CYP2A7: variants seen among roughly 807,000 people sequenced by gnomAD.
CYP2A7 encodes the protein cytochrome P450 2A7.
CYP2A7 carries 36 observed loss-of-function variants against 42.0 expected under a neutral mutation model. That is an observed-to-expected ratio of 0.86 (90% CI 0.66 to 1.13). The LOEUF (loss-of-function observed/expected upper bound fraction) is 1.13. Among genes scored for constraint, CYP2A7 ranks in the 50% most tolerant of loss-of-function variants. The pLI is 0.00. For missense variants in CYP2A7, 661 were observed against 634.1 expected (o/e 1.04, Z -0.46); for synonymous variants, 260 against 249.5 (o/e 1.04, Z -0.40).
rs767369794 is a variant in CYP2A7 at position 40,880,163 on chromosome 19, T to C, written c.575A>G (p.Asp192Gly). The change falls in exon 4 of 9, where the codon GAC (aspartate) becomes GGC (glycine). Residue 192 changes from aspartate (D) to glycine (G), a missense_variant. Physicochemically the swap from Asp to Gly is moderately conservative, Grantham distance 94. Around this residue, in one of 3 missense-constraint regions of CYP2A7, gnomAD observed 614 missense variants for 552.4 expected, o/e 1.11. Coordinates refer to ENST00000301146, the MANE Select transcript of CYP2A7 (RefSeq NM_000764.3). ...ISSIVFGDRF[D>G]YEDKEFLSLL... ...TGACAGGAACTCTTTGTCCTCATAGTCAAAGCGGTCCCCAAAGACAATGGA... is the reference window on the plus strand; with the variant it reads ...TGACAGGAACTCTTTGTCCTCATAGCCAAAGCGGTCCCCAAAGACAATGGA... 6.2e-7 allele frequency: 1 copy of C among 1,612,896 alleles called. No homozygotes were observed. The highest frequency in any genetic ancestry group is 2.2e-5 in the East Asian group (1 of 44,852).
intron 2 of CYP2A7, among the ~76,000 whole-genome samples, chr19:40,881,377 G>T (rs965002961): frequency 6.6e-6 from 1 of 151,590 alleles, no homozygotes; most frequent in Non-Finnish European, 1.5e-5. Flanking sequence ...AGGAGGTGGG[G>T]CAGAGAGAGG....
Position 40,880,544 on chromosome 19 carries a change from C to T in CYP2A7, c.428G>A (p.Arg143Gln), listed in dbSNP as rs369815129. ...CTCCTGGATGCGCTCCTCGATGCCT[C>T]GCTTGCCCACCCCGAAGTCCCTCAG... Reference protein sequence around the residue: ...ATLRDFGVGKRGIEERIQEES... With the variant: ...ATLRDFGVGKQGIEERIQEES... The change falls in exon 3 of 9, where the codon CGA (arginine) becomes CAA (glutamine). Residue 143 changes from arginine (R) to glutamine (Q), a missense_variant. Coordinates refer to ENST00000301146, the MANE Select transcript of CYP2A7 (RefSeq NM_000764.3). The T allele has an allele frequency of 1.1e-5, 17 of 1,611,834 alleles. No individual in the cohort carries two copies. The highest frequency in any genetic ancestry group is 1.6e-4 in the Middle Eastern group (1 of 6,082).
intron 1 of CYP2A7, 76 bp downstream of exon 1, chr19:40,881,955 T>C: frequency 6.4e-6 from 10 of 1,562,022 alleles, no homozygotes; most frequent in Non-Finnish European, 6.1e-6. Context: ...TCCACACTGG[T>C]CAATCCCCTG....
Position 40,880,559 on chromosome 19 carries a change from A to G in CYP2A7, c.413T>C (p.Phe138Ser), listed in dbSNP as rs1278936940. ...CTCGATGCCTCGCTTGCCCACCCCG[A>G]AGTCCCTCAGGGTGGCGATGGCAAA... Reference protein sequence around the residue: ...LRFAIATLRDFGVGKRGIEER... With the variant: ...LRFAIATLRDSGVGKRGIEER... Residue 138 changes from phenylalanine (F) to serine (S), a missense_variant, in exon 3 of 9, where the codon TTC becomes TCC. Around this residue, in one of 3 missense-constraint regions of CYP2A7, gnomAD observed 614 missense variants for 552.4 expected, o/e 1.11. Coordinates refer to ENST00000301146, the MANE Select transcript of CYP2A7 (RefSeq NM_000764.3). 1.2e-6 allele frequency: 2 copies of G among 1,610,986 alleles called. No individual in the cohort carries two copies. The highest frequency in any genetic ancestry group is 2.7e-5 in the African/African-American group (2 of 74,512).
At position 40,880,388 on chromosome 19, in the gene CYP2A7, C is replaced by T; in HGVS notation, c.493+91G>A. ...CTGGAAGTGCGGGCGCCTTTCCCCA[C>T]CTAGTCCCCATCCGCAGGCAGAACG... On this transcript the variant is annotated intron_variant, in intron 3 of 8. Transcript: ENST00000301146. 3 of 1,563,516 alleles carry T rather than the reference C, an allele frequency of 1.9e-6. No homozygotes were observed. The South Asian group carries it at 3.6e-5, about 19-fold the overall frequency.
chr19:40,877,958 C>T lies in CYP2A7; in HGVS notation c.867G>A (p.Lys289=), dbSNP rs145170562. 48 of 1,612,522 alleles carry T rather than the reference C, an allele frequency of 3.0e-5. No individual in the cohort carries two copies. The East Asian group carries it at 1.0e-3, about 34-fold the overall frequency. ...GGTTCAACGTGCTCATCATCAGGTT[C>T]TTCAAGTAGAACTCCGTGTTGGGGT... is the stretch of plus-strand genomic sequence containing the variant. ...EKNPNTEFYL[K]NLMMSTLNLF... is the part of the protein sequence containing the mutation. The change falls in exon 6 of 9, where the codon AAG becomes AAA. Residue 289 remains lysine (K), a synonymous_variant. Transcript: ENST00000301146.
At position 40,878,787 on chromosome 19, in the gene CYP2A7, G is replaced by T. The variant is rs186817628; in HGVS notation, c.804C>A (p.Ile268=). The T allele has an allele frequency of 2.5e-6, 4 of 1,611,530 alleles. No homozygotes were observed. Among genetic ancestry groups the T allele is most frequent in the Non-Finnish European group, 3.4e-6 (4 of 1,178,328 alleles). ...CCTGCATGTGGATGAGAAAGGAGTC[G>T]ATGAAGTCCTGTGGGGAATTGGGAT... is the stretch of plus-strand genomic sequence containing the variant. ...TLDPNSPQDF[I]DSFLIHMQEE... The change falls in exon 5 of 9, where the codon ATC becomes ATA. Residue 268 remains isoleucine, a synonymous_variant. Transcript: ENST00000301146.
At chr19:40,878,151 G>C (rs1488260637) in intron 5 of CYP2A7, among the ~76,000 whole-genome samples, 158 bp from the exon 6 acceptor site, 1 of 151,472 alleles carries the variant, frequency 6.6e-6, no homozygotes, top group Non-Finnish European at 1.5e-5. Flanking sequence ...CCCTTGCCCT[G>C]GCTGCTGGCT....
rs1967715484 is a variant in CYP2A7 at position 40,882,222 on chromosome 19, G to A, written c.-12C>T. On this transcript the variant is annotated 5_prime_UTR_variant, in exon 1 of 9. Coordinates refer to ENST00000301146, the MANE Select transcript of CYP2A7 (RefSeq NM_000764.3). Reference sequence around the variant, plus strand: ...CCTGAGGCCAGCATGGTGGTAGTGAGATGACAGATGGTGATGGGTGGGGTG... The same window carrying A: ...CCTGAGGCCAGCATGGTGGTAGTGAAATGACAGATGGTGATGGGTGGGGTG... 6.2e-7 allele frequency: 1 copy of A among 1,612,310 alleles called. No homozygotes were observed. The highest frequency in any genetic ancestry group is 1.1e-5 in the South Asian group (1 of 90,944).
rs1375853167 is a variant in CYP2A7 at position 40,876,796 on chromosome 19, C to T, written c.1162-128G>A. ...TGGCAGGCATGGAGGAGTTGGGGTC[C>T]TGTGAAGGAGGAGCTTTGGGGAATA... On this transcript the variant is annotated intron_variant, in intron 7 of 8. Transcript: ENST00000301146. The T allele has an allele frequency of 7.7e-6, 10 of 1,305,716 alleles. 1 individual carries two copies. The highest frequency in any genetic ancestry group is 1.1e-5 in the Non-Finnish European group (10 of 948,196). 80.9% of individuals were successfully genotyped at this position (1,305,716 alleles called of 1,614,324 possible).
chr19:40,880,018 C>T (rs551112024), intron 4 of CYP2A7, 66 bp downstream of exon 4: 2 of 1,591,690 alleles, frequency 1.3e-6, no homozygotes, highest in East Asian at 4.5e-5. Context: ...GGGCACCTGT[C>T]TCCAGGTAGG....
chr19:40,880,501 G>C lies in CYP2A7; in HGVS notation c.471C>G (p.Ile157Met), dbSNP rs534396743. The C allele has an allele frequency of 6.2e-7, 1 of 1,612,456 alleles. No individual in the cohort carries two copies. The highest frequency in any genetic ancestry group is 2.2e-5 in the East Asian group (1 of 44,844). ...CACCGTGCGTGCTCCGGATGGCCTC[G>C]ATGAGGAAGCCCGACTCCTCCTGGA... Reference protein sequence around the residue: ...ERIQEESGFLIEAIRSTHGAN... With the variant: ...ERIQEESGFLMEAIRSTHGAN... The change falls in exon 3 of 9, where the codon ATC becomes ATG. Residue 157 changes from isoleucine (I) to methionine (M), a missense_variant. This residue lies in a region of CYP2A7 where 614 missense variants were observed against 552.4 expected (regional missense o/e 1.11). Transcript: ENST00000301146.
intron 8 of CYP2A7, 47 bp downstream of exon 8, chr19:40,876,480 G>A (rs774910012): frequency 1.7e-5 from 28 of 1,611,540 alleles, no homozygotes; most frequent in South Asian, 1.5e-4. Context: ...TGAGGGAGGC[G>A]CCTGCTGGTG....
intron 7 of CYP2A7, chr19:40,876,874 T>C: frequency 1.3e-6 from 1 of 745,944 alleles, no homozygotes. Context: ...GTCCATGTCT[T>C]GCTACGCAGG....
intron 4 of CYP2A7, among the ~76,000 whole-genome samples, chr19:40,879,477 G>T (rs1317963705): frequency 1.3e-5 from 2 of 151,836 alleles, no homozygotes; most frequent in African/African-American, 4.8e-5. Context: ...CGATGCACAG[G>T]GAGCACCTCT....
In CYP2A7 at chr19:40,875,706, A is replaced by C. The variant is rs534881248; in HGVS notation, c.1472T>G (p.Phe491Cys). Residue 491 changes from phenylalanine to cysteine, a missense_variant, in exon 9 of 9, where the codon TTC becomes TGC. Around this residue, in one of 3 missense-constraint regions of CYP2A7, gnomAD observed 22 missense variants for 19.3 expected, o/e 1.14. Transcript: ENST00000301146. ...ATIPRNYTMS[F>C]LPR Reference sequence around the variant, plus strand: ...CACAGCCCTCGCTCAGCGGGGCAGGAAGCTCATGGTGTAGTTTCGTGGGAT... The same window carrying C: ...CACAGCCCTCGCTCAGCGGGGCAGGCAGCTCATGGTGTAGTTTCGTGGGAT... 52 of 1,609,614 alleles carry C rather than the reference A, an allele frequency of 3.2e-5. No individual in the cohort carries two copies. The African/African-American group carries it at 6.6e-4, about 20-fold the overall frequency.
chr19:40,880,701 C>A lies in CYP2A7; in HGVS notation c.344-73G>T, dbSNP rs569961318. The A allele has an allele frequency of 2.0e-5, 31 of 1,521,830 alleles. 4 individuals carry two copies. The African/African-American group carries it at 3.8e-4, about 19-fold the overall frequency. The allele number at this position is 1,521,830 out of a possible 1,614,324, so 94.3% of individuals were successfully genotyped here. ...GCAGGAGCGGACCAGTTCCAAGGGG[C>A]TCCCCAAGGGTGGAGCAGAGGGGTA... On this transcript the variant is annotated intron_variant, in intron 2 of 8. Coordinates refer to ENST00000301146, the MANE Select transcript of CYP2A7 (RefSeq NM_000764.3).
In CYP2A7 at chr19:40,882,142, G is replaced by C; in HGVS notation, c.69C>G (p.Val23=). Residue 23 remains valine, a synonymous_variant, in exon 1 of 9, where the codon GTC becomes GTG. Transcript: ENST00000301146. The part of the protein sequence containing the change: ...ACLTVMVLMS[V]WQQRKSRGKL... ...TCCCCCTGCTCTTCCTCTGCTGCCAGACAGACATCAAGACCATCACAGTCA... is the reference window on the plus strand; with the variant it reads ...TCCCCCTGCTCTTCCTCTGCTGCCACACAGACATCAAGACCATCACAGTCA... 1 of 1,613,890 alleles carries C rather than the reference G, an allele frequency of 6.2e-7. No homozygotes were observed. Among genetic ancestry groups the C allele is most frequent in the Non-Finnish European group, 8.5e-7 (1 of 1,179,796 alleles).
At chr19:40,877,138 C>T in intron 7 of CYP2A7, 52 bp downstream of exon 7, 1 of 1,591,854 alleles carries the variant, frequency 6.3e-7, no homozygotes, top group Non-Finnish European at 8.6e-7. Flanking sequence ...ATTCTGGGGA[C>T]ACAGAGAAGG....
Sources: allele counts gnomAD v4.1 joint callset (sites outside exome capture counted in the v4.1 genomes callset), GRCh38; gene constraint gnomAD v4.1.1; regional missense constraint gnomAD v4.1.1; transcripts MANE v1.5; gene names NCBI Gene and HGNC (gene_info 2026-07-23, HGNC 2026-07-21).